The following GTF2H5 variants were observed in gnomAD, a reference collection of about 807,000 sequenced individuals.
The protein encoded by GTF2H5 is general transcription factor IIH subunit 5, also known as TFB5 ortholog.
GTF2H5 carries 5 observed loss-of-function variants against 7.1 expected under a neutral mutation model. The observed-to-expected ratio is 0.71, with a 90% CI of 0.37 to 1.49. The LOEUF (loss-of-function observed/expected upper bound fraction) is 1.49. Ranked by LOEUF, GTF2H5 falls within the 40% of genes most tolerant of loss-of-function variation. The pLI is 0.03. For synonymous variants in GTF2H5, 30 were observed against 31.7 expected (o/e 0.95, Z 0.18); for missense variants, 80 against 83.0 (o/e 0.96, Z 0.14).
chr6:158,187,946 A>G (rs1022408320), intron 2 of GTF2H5, among the ~76,000 whole-genome samples: 1 of 152,186 alleles, frequency 6.6e-6, no homozygotes, highest in Admixed American at 6.5e-5. Flanking sequence ...CCCAACCCCC[A>G]TTCCCATCAT....
intron 2 of GTF2H5, among the ~76,000 whole-genome samples, chr6:158,186,188 A>G (rs1776918631): frequency 2.0e-5 from 3 of 152,234 alleles, no homozygotes; most frequent in Admixed American, 2.0e-4. Flanking sequence ...CAAGGATGGT[A>G]TACAAATGGC....
Position 158,192,173 on chromosome 6 carries a change from A to C in GTF2H5, c.*16A>C. 1 of 1,595,176 alleles carries C rather than the reference A, an allele frequency of 6.3e-7. No homozygotes were observed. Among genetic ancestry groups the C allele is most frequent in the Non-Finnish European group, 8.6e-7 (1 of 1,164,522 alleles). ...CCAGAAATGAAAATACTCAATATGG[A>C]CCATTTAGGAATTATAAGCAGCAAC... is the stretch of plus-strand genomic sequence containing the variant. On this transcript the variant is annotated 3_prime_UTR_variant, in exon 3 of 3. Coordinates refer to ENST00000607778, the MANE Select transcript of GTF2H5 (RefSeq NM_207118.3).
intron 1 of GTF2H5, among the ~76,000 whole-genome samples, chr6:158,169,476 A>ATATATAATATATTGTATAT (rs1373040521): frequency 3.4e-4 from 26 of 76,024 alleles, no homozygotes; most frequent in South Asian, 1.1e-3. Context: ...ATTGTATATT[A>ATATATAATATATTGTATAT]TATATAATAT....
intron 2 of GTF2H5, among the ~76,000 whole-genome samples, chr6:158,178,456 CAAAAAAAAA>C (rs34745319): frequency 1.4e-4 from 12 of 88,518 alleles, no homozygotes; most frequent in African/African-American, 4.3e-4. Context: ...GACTCCATCT[CAAAAAAAAA>C]AAAAAAAAAA....
intron 2 of GTF2H5, among the ~76,000 whole-genome samples, chr6:158,178,544 T>G (rs1785964555): frequency 6.6e-6 from 1 of 151,914 alleles, no homozygotes. Flanking sequence ...ATCGCAATTC[T>G]AACTGGTGTG....
At position 158,169,681 on chromosome 6, in the gene GTF2H5, A is replaced by ATATTG. The variant is rs1258207628; in HGVS notation, c.-34-786_-34-785insTGTAT. ...TATAATATATTGTATATTATATAAT[A>ATATTG]TATAATATATATTATATAATATATT... On this transcript the variant is annotated intron_variant, in intron 1 of 2. Coordinates refer to ENST00000607778, the MANE Select transcript of GTF2H5 (RefSeq NM_207118.3). Among the ~76,000 whole-genome samples, 104 of 52,462 alleles carry ATATTG rather than the reference A, an allele frequency of 2.0e-3. 2 individuals carry two copies. Among genetic ancestry groups the ATATTG allele is most frequent in the African/African-American group, 3.3e-3 (32 of 9,710 alleles). 34.4% of individuals were successfully genotyped at this position (52,462 alleles called of 152,430 possible).
chr6:158,176,655 C>T lies in GTF2H5; in HGVS notation c.35+6117C>T, dbSNP rs191872329. On this transcript the variant is annotated intron_variant, in intron 2 of 2. Coordinates refer to ENST00000607778, the MANE Select transcript of GTF2H5 (RefSeq NM_207118.3). ...GGTCTGGGAGACCCTAACCCAGCAG[C>T]GCTAGAGGAATTAAAGACAGACACA... Among the ~76,000 whole-genome samples the T allele has an allele frequency of 1.3e-3, 205 of 152,172 alleles. 1 individual carries two copies. The highest frequency in any genetic ancestry group is 2.4e-3 in the Non-Finnish European group (162 of 68,010).
At chr6:158,182,875 T>C (rs1347478890) in intron 2 of GTF2H5, among the ~76,000 whole-genome samples, 1 of 152,160 alleles carries the variant, frequency 6.6e-6, no homozygotes, top group Non-Finnish European at 1.5e-5. Flanking sequence ...AGCCAACTTC[T>C]GTCATCTCGT....
chr6:158,179,484 A>G (rs1785978861), intron 2 of GTF2H5, among the ~76,000 whole-genome samples: 4 of 152,116 alleles, frequency 2.6e-5, no homozygotes, highest in Admixed American at 6.5e-5. Context: ...ACGAGCATGG[A>G]ATGTTTTTCC....
rs1316179651 is a variant in GTF2H5 at position 158,169,563 on chromosome 6, T to TG, written c.-34-907_-34-906insG. On this transcript the variant is annotated intron_variant, in intron 1 of 2. Transcript: ENST00000607778. ...TATATAATATACTGTATATTATATA[T>TG]AATATATTGTATATTATATATAATA... is the stretch of plus-strand genomic sequence containing the variant. 4.0e-4 allele frequency among the ~76,000 whole-genome samples: 37 copies of TG among 92,768 alleles called. 1 individual carries two copies. The highest frequency in any genetic ancestry group is 1.6e-3 in the African/African-American group (36 of 23,010). The allele number at this position is 92,768 out of a possible 152,430, so 60.9% of individuals were successfully genotyped here.
chr6:158,186,109 T>G (rs1293165148), intron 2 of GTF2H5, among the ~76,000 whole-genome samples: 1 of 152,230 alleles, frequency 6.6e-6, no homozygotes, highest in African/African-American at 2.4e-5. Context: ...GTTAGTTGAT[T>G]TAAAGGCAAT....
rs1480246858 is a variant in GTF2H5 at position 158,194,778 on chromosome 6, T to TA, written c.*2621_*2622insA. On this transcript the variant is annotated 3_prime_UTR_variant, in exon 3 of 3. Transcript: ENST00000607778. ...TTATTCACATGGAAACAAGGCTAGG[T>TA]GATTAAGGGAGAAAGGGACAGTCTG... is the stretch of plus-strand genomic sequence containing the variant. 5 of 151,972 alleles carry TA rather than the reference T, an allele frequency of 3.3e-5. No homozygotes were observed. In the East Asian group the frequency reaches 9.6e-4, roughly 29 times the overall value. The allele number at this position is 151,972 out of a possible 1,614,324, so 9.4% of individuals were successfully genotyped here.
chr6:158,180,114 C>T lies in GTF2H5; in HGVS notation c.35+9576C>T, dbSNP rs148433411. 3.0e-3 allele frequency among the ~76,000 whole-genome samples: 456 copies of T among 152,190 alleles called. 1 individual carries two copies. The highest frequency in any genetic ancestry group is 9.4e-3 in the African/African-American group (392 of 41,544). ...GTTGAATTTTGTCGAAGGCCTTTTCCGCATCTTTTGAGATAATCGTGGTTT... is the reference window on the plus strand; with the variant it reads ...GTTGAATTTTGTCGAAGGCCTTTTCTGCATCTTTTGAGATAATCGTGGTTT... On this transcript the variant is annotated intron_variant, in intron 2 of 2. Transcript: ENST00000607778.
At chr6:158,181,967 C>T (rs1250872348) in intron 2 of GTF2H5, among the ~76,000 whole-genome samples, 1 of 152,144 alleles carries the variant, frequency 6.6e-6, no homozygotes, top group Non-Finnish European at 1.5e-5. Flanking sequence ...TTCTTCCTAG[C>T]ATCGATGGTC....
intron 2 of GTF2H5, among the ~76,000 whole-genome samples, chr6:158,187,276 G>A (rs1776944985): frequency 1.3e-5 from 2 of 152,010 alleles, no homozygotes; most frequent in South Asian, 4.1e-4. Flanking sequence ...GATTACAGAT[G>A]TGAGCCACCG....
intron 2 of GTF2H5, among the ~76,000 whole-genome samples, chr6:158,176,503 A>G (rs6456050): frequency 0.37 from 56,988 of 152,018 alleles, 11,949 homozygotes; most frequent in African/African-American, 0.55. Context: ...GGGATTACAG[A>G]TGTGAGCCAT....
At chr6:158,183,477 C>G (rs1786036304) in intron 2 of GTF2H5, among the ~76,000 whole-genome samples, 1 of 152,216 alleles carries the variant, frequency 6.6e-6, no homozygotes, top group African/African-American at 2.4e-5. Context: ...TCAGATATGT[C>G]CTGCCTTCAG....
In GTF2H5 at chr6:158,169,309, T is replaced by C. The variant is rs1785707046; in HGVS notation, c.-35+914T>C. ...ATATATTTATTTTATATATAATATA[T>C]AATATGTATATTATGTATATTATAT... On this transcript the variant is annotated intron_variant, in intron 1 of 2. Transcript: ENST00000607778. 2.4e-5 allele frequency among the ~76,000 whole-genome samples: 3 copies of C among 125,024 alleles called. No homozygotes were observed. The East Asian group carries it at 6.3e-4, about 26-fold the overall frequency. 82.0% of individuals were successfully genotyped at this position (125,024 alleles called of 152,430 possible).
chr6:158,175,111 TTTG>T (rs1785916885), intron 2 of GTF2H5, among the ~76,000 whole-genome samples: 1 of 151,720 alleles, frequency 6.6e-6, no homozygotes, highest in South Asian at 2.1e-4. Context: ...CTGAATAAAT[TTTG>T]TTAACAGAAT....
Sources: allele counts gnomAD v4.1 joint callset (sites outside exome capture counted in the v4.1 genomes callset), GRCh38; gene constraint gnomAD v4.1.1; transcripts MANE v1.5; gene names NCBI Gene and HGNC (gene_info 2026-07-23, HGNC 2026-07-21).